FAM13B: variants seen among roughly 807,000 people sequenced by gnomAD.
FAM13B encodes family with sequence similarity 13 member B.
Under a neutral mutation model 117.3 loss-of-function variants are expected in FAM13B, and 60 were observed. The observed-to-expected ratio is 0.51, with a 90% CI of 0.42 to 0.63. FAM13B has a LOEUF of 0.63. Among genes scored for constraint, FAM13B ranks in the 30% least tolerant of loss-of-function variants. The pLI is 0.00. For synonymous variants in FAM13B, 332 were observed against 356.1 expected (o/e 0.93, Z 0.76); for missense variants, 972 against 1,091.9 (o/e 0.89, Z 1.55).
At chr5:137,947,475 C>T (rs987239885) in intron 18 of FAM13B, among the ~76,000 whole-genome samples, 1 of 152,138 alleles carries the variant, frequency 6.6e-6, no homozygotes, top group Non-Finnish European at 1.5e-5. Context: ...GGGCTTGGTG[C>T]TGTGGTTCAC....
At position 137,941,946 on chromosome 5, in the gene FAM13B, T is replaced by C; in HGVS notation, c.2688A>G (p.Gly896=). 7 of 1,612,050 alleles carry C rather than the reference T, an allele frequency of 4.3e-6. No homozygotes were observed. Among genetic ancestry groups the C allele is most frequent in the Non-Finnish European group, 5.9e-6 (7 of 1,178,260 alleles). The change falls in exon 23 of 24, where the codon GGA becomes GGG. Residue 896 remains glycine (G), a splice_region_variant and synonymous_variant. Coordinates refer to ENST00000689681, the MANE Select transcript of FAM13B (RefSeq NM_001385994.1). ...CAATTTTGTGATGCTCAACAAACCT[T>C]CCATTTTGTTGATAAAATGCTTCTT... ...EFEEAFYQQN[G]RNAQKEDRVP... is the part of the protein sequence containing the mutation.
intron 15 of FAM13B, 99 bp from the exon 16 acceptor site, chr5:137,953,564 A>G (rs1400929352): frequency 7.8e-7 from 1 of 1,287,012 alleles, no homozygotes; most frequent in East Asian, 2.3e-5. Context: ...AGTAAATCTT[A>G]AAGGTAAAAA....
At chr5:137,944,630 G>C (rs1259195638) in intron 20 of FAM13B, among the ~76,000 whole-genome samples, 1 of 151,802 alleles carries the variant, frequency 6.6e-6, no homozygotes, top group East Asian at 1.9e-4. Flanking sequence ...GTGGTGGTGG[G>C]TGCCTGTAAT....
At position 137,949,119 on chromosome 5, in the gene FAM13B, G is replaced by A. The variant is rs1483702465; in HGVS notation, c.1996C>T (p.Pro666Ser). 2 of 1,613,936 alleles carry A rather than the reference G, an allele frequency of 1.2e-6. No individual in the cohort carries two copies. The highest frequency in any genetic ancestry group is 2.7e-5 in the African/African-American group (2 of 74,884). ...PQTRPRSNTLPKSFGSSLDHE... is the reference protein window; with the variant it reads ...PQTRPRSNTLSKSFGSSLDHE... ...TCTAGAGAAGAGCCAAAGCTTTTTGGAAGTGTGTTACTACGTGGACGTGTC... is the reference window on the plus strand; with the variant it reads ...TCTAGAGAAGAGCCAAAGCTTTTTGAAAGTGTGTTACTACGTGGACGTGTC... Residue 666 changes from proline to serine, a missense_variant, in exon 18 of 24, where the codon CCA (proline) becomes TCA (serine). Coordinates refer to ENST00000689681, the MANE Select transcript of FAM13B (RefSeq NM_001385994.1).
chr5:137,948,314 C>CG (rs1293802677), intron 18 of FAM13B, among the ~76,000 whole-genome samples: 2 of 152,026 alleles, frequency 1.3e-5, no homozygotes, highest in Non-Finnish European at 2.9e-5. Flanking sequence ...AACCAGCCAA[C>CG]GTGGGGCATA....
intron 18 of FAM13B, 77 bp downstream of exon 18, chr5:137,948,878 T>C (rs1764147543): frequency 8.9e-7 from 1 of 1,119,244 alleles, no homozygotes; most frequent in African/African-American, 1.5e-5. Flanking sequence ...CCTAGACATC[T>C]CTACCCTGCT....
intron 2 of FAM13B, 135 bp from the exon 3 acceptor site, chr5:138,019,281 T>G (rs747881928): frequency 4.2e-6 from 3 of 708,666 alleles, no homozygotes; most frequent in Non-Finnish European, 6.8e-6. Context: ...AGGCCCATAG[T>G]GTGTTCTACA....
chr5:137,972,261 A>ACCATGATCAAGTGGGCTT, intron 10 of FAM13B, among the ~76,000 whole-genome samples: 1 of 149,076 alleles, frequency 6.7e-6, no homozygotes, highest in Non-Finnish European at 1.5e-5. Flanking sequence ...AAGCTTATCC[A>ACCATGATCAAGTGGGCTT]CCATGATCAA....
chr5:138,012,424 A>G (rs1435532127), intron 4 of FAM13B, among the ~76,000 whole-genome samples: 1 of 152,188 alleles, frequency 6.6e-6, no homozygotes, highest in Non-Finnish European at 1.5e-5. Context: ...AAAAAGAAGG[A>G]AAGAAAAAGG....
intron 7 of FAM13B, among the ~76,000 whole-genome samples, chr5:137,998,775 G>A (rs756141976): frequency 1.3e-5 from 2 of 152,206 alleles, no homozygotes; most frequent in Non-Finnish European, 2.9e-5. Context: ...AGAACTCAGT[G>A]AAGCAATCTT....
intron 13 of FAM13B, among the ~76,000 whole-genome samples, chr5:137,957,467 G>A (rs1176095931): frequency 1.3e-5 from 2 of 149,954 alleles, no homozygotes; most frequent in Non-Finnish European, 2.9e-5. Flanking sequence ...TTGAACCTGC[G>A]AGGCGGAAGT....
chr5:137,972,474 C>T lies in FAM13B; in HGVS notation c.1180-10005G>A, dbSNP rs1180287867. ...GGGACGTATCTCAAAATAATAAGAG[C>T]TATCTATGACAAACCCACAGCCAAT... On this transcript the variant is annotated intron_variant, in intron 10 of 23. Coordinates refer to ENST00000689681, the MANE Select transcript of FAM13B (RefSeq NM_001385994.1). Among the ~76,000 whole-genome samples the T allele has an allele frequency of 3.3e-5, 5 of 150,684 alleles. No individual in the cohort carries two copies. In the East Asian group the frequency reaches 7.8e-4, roughly 23 times the overall value.
intron 1 of FAM13B, among the ~76,000 whole-genome samples, chr5:138,025,307 A>G (rs201504770): frequency 0.019 from 469 of 25,282 alleles, 14 homozygotes; most frequent in Middle Eastern, 0.15. Flanking sequence ...ATATATATAT[A>G]TATGTATTTT....
At chr5:138,036,463 C>T (rs957651600), upstream of FAM13B, 12 of 456,596 alleles carry the variant, frequency 2.6e-5, no homozygotes, top group African/African-American at 2.4e-4. Context: ...GAGTCAGACA[C>T]AGGCCCACGG....
At chr5:138,015,671 C>T (rs1785090423) in intron 4 of FAM13B, among the ~76,000 whole-genome samples, 1 of 152,146 alleles carries the variant, frequency 6.6e-6, no homozygotes, top group Non-Finnish European at 1.5e-5. Context: ...CCACTGCACT[C>T]CAGCCTGGGT....
intron 10 of FAM13B, among the ~76,000 whole-genome samples, chr5:137,977,461 T>A (rs943344944): frequency 6.6e-6 from 1 of 152,210 alleles, no homozygotes; most frequent in African/African-American, 2.4e-5. Context: ...GTTTTACAGC[T>A]TGGGGGGCAT....
At chr5:138,049,995 C>T (rs1169216211) in intron 1 of FAM13B, among the ~76,000 whole-genome samples, 2 of 152,100 alleles carry the variant, frequency 1.3e-5, no homozygotes, top group Admixed American at 6.6e-5. Context: ...AACATTAGCC[C>T]GGTGTGGTGG....
chr5:137,968,777 C>A (rs984722126), intron 10 of FAM13B, among the ~76,000 whole-genome samples: 1 of 152,202 alleles, frequency 6.6e-6, no homozygotes. Flanking sequence ...CAAAGCAGGG[C>A]GAGGCATTGC....
At chr5:137,978,951 A>C (rs1199997331) in intron 10 of FAM13B, among the ~76,000 whole-genome samples, 1 of 151,162 alleles carries the variant, frequency 6.6e-6, no homozygotes, top group Admixed American at 6.6e-5. Flanking sequence ...CTAAATCTTA[A>C]TCATTTTCAC....
Sources: gnomAD v4.1 joint callset for allele counts (sites outside exome capture counted in the v4.1 genomes callset) on GRCh38, gnomAD v4.1.1 for gene constraint, MANE v1.5 for transcripts, NCBI Gene and HGNC (gene_info 2026-07-23, HGNC 2026-07-21) for gene names.